EEF1AKMT1: variants seen among roughly 807,000 people sequenced by gnomAD.
EEF1AKMT1 encodes N-6 adenine-specific DNA methyltransferase 2 (putative).
Under a neutral mutation model 21.0 loss-of-function variants are expected in EEF1AKMT1, and 18 were observed. The ratio of observed to expected loss-of-function variants is 0.86; its 90% CI spans 0.59 to 1.27. The LOEUF is 1.27. EEF1AKMT1 is among the 50% of genes most tolerant of loss of function. The pLI is 0.00. For synonymous variants in EEF1AKMT1, 109 were observed against 94.8 expected (o/e 1.15, Z -0.87); for missense variants, 246 against 258.6 (o/e 0.95, Z 0.33).
chr13:20,752,306 G>A (rs1274515459), intron 2 of EEF1AKMT1, among the ~76,000 whole-genome samples: 1 of 152,028 alleles, frequency 6.6e-6, no homozygotes, highest in African/African-American at 2.4e-5. Context: ...CCTTTATTAT[G>A]ATGAGGTATG....
At chr13:20,753,123 T>C (rs1317351001) in intron 2 of EEF1AKMT1, among the ~76,000 whole-genome samples, 1 of 152,162 alleles carries the variant, frequency 6.6e-6, no homozygotes, top group East Asian at 1.9e-4. Flanking sequence ...TCCATAGATT[T>C]CGGTATGTTG....
At chr13:20,736,981 G>A (rs1258172795) in intron 3 of EEF1AKMT1, among the ~76,000 whole-genome samples, 3 of 151,142 alleles carry the variant, frequency 2.0e-5, no homozygotes, top group Non-Finnish European at 4.4e-5. Flanking sequence ...TGATCCGCCC[G>A]CCTTGGCCTC....
intron 2 of EEF1AKMT1, chr13:20,748,047 TG>T: frequency 4.9e-6 from 1 of 203,522 alleles, no homozygotes; most frequent in Non-Finnish European, 1.0e-5. Context: ...GGACTCTCCT[TG>T]GGCAGTCATC....
At chr13:20,764,068 T>C (rs868722270) in intron 1 of EEF1AKMT1, among the ~76,000 whole-genome samples, 4 of 149,714 alleles carry the variant, frequency 2.7e-5, no homozygotes, top group African/African-American at 1.0e-4. Context: ...TTTTGCATCA[T>C]TGACTTTATT....
chr13:20,738,833 T>TA (rs1185718085), intron 2 of EEF1AKMT1, among the ~76,000 whole-genome samples: 1 of 152,124 alleles, frequency 6.6e-6, no homozygotes, highest in Non-Finnish European at 1.5e-5. Flanking sequence ...GATTGAGGGA[T>TA]TAGGAGGTGA....
intron 2 of EEF1AKMT1, 122 bp downstream of exon 2, chr13:20,757,333 C>T (rs775215265): frequency 5.5e-5 from 65 of 1,176,902 alleles, no homozygotes; most frequent in Non-Finnish European, 6.9e-5. Context: ...TAGAGAAGTT[C>T]AGATCCCAAA....
intron 2 of EEF1AKMT1, among the ~76,000 whole-genome samples, chr13:20,738,793 A>C (rs554157701): frequency 5.3e-5 from 8 of 152,326 alleles, no homozygotes; most frequent in African/African-American, 1.7e-4. Context: ...CTACAAAGAC[A>C]GTAGATTAGT....
chr13:20,738,889 T>C (rs1178891972), intron 2 of EEF1AKMT1, among the ~76,000 whole-genome samples: 1 of 150,248 alleles, frequency 6.7e-6, no homozygotes, highest in African/African-American at 2.5e-5. Flanking sequence ...GAAAATGTTC[T>C]AAAATTGACT....
Position 20,729,099 on chromosome 13 carries a change from C to T in EEF1AKMT1, c.626G>A (p.Gly209Glu). The T allele has an allele frequency of 6.2e-7, 1 of 1,614,178 alleles. No homozygotes were observed. The highest frequency in any genetic ancestry group is 8.5e-7 in the Non-Finnish European group (1 of 1,180,034). Residue 209 changes from glycine (G) to glutamate (E), a missense_variant, in exon 5 of 5, where the codon GGG becomes GAG. Transcript: ENST00000382758. The stretch of plus-strand genomic sequence containing the variant: ...CTGTAATCAGATCCCACAGTCCAGC[C>T]CAGAATCATAATTCACATAACAGCG... Reference protein sequence around the residue: ...EFRCYVNYDSGLDCGI With the variant: ...EFRCYVNYDSELDCGI
chr13:20,765,944 T>C (rs561062844), intron 1 of EEF1AKMT1, among the ~76,000 whole-genome samples: 162 of 152,162 alleles, frequency 1.1e-3, no homozygotes, highest in Non-Finnish European at 1.7e-3. Context: ...ACCTACCAGA[T>C]TGACCGCAAT....
At chr13:20,733,224 T>C (rs1179168680) in intron 3 of EEF1AKMT1, among the ~76,000 whole-genome samples, 9 of 151,592 alleles carry the variant, frequency 5.9e-5, no homozygotes, top group Admixed American at 5.9e-4. Context: ...GCCTCCTGAG[T>C]AGCTGGGATT....
chr13:20,740,515 C>G (rs912617527), intron 2 of EEF1AKMT1, among the ~76,000 whole-genome samples: 3 of 152,192 alleles, frequency 2.0e-5, no homozygotes, highest in African/African-American at 7.2e-5. Context: ...TACTAAAAAC[C>G]ACTGACTTGC....
At chr13:20,765,044 G>A (rs559526585) in intron 1 of EEF1AKMT1, among the ~76,000 whole-genome samples, 16 of 151,940 alleles carry the variant, frequency 1.1e-4, no homozygotes, top group African/African-American at 3.6e-4. Context: ...GGTGGATCAC[G>A]AGGTCAGGAG....
At chr13:20,729,948 C>A (rs1197851376) in intron 4 of EEF1AKMT1, among the ~76,000 whole-genome samples, 1 of 152,198 alleles carries the variant, frequency 6.6e-6, no homozygotes, top group Non-Finnish European at 1.5e-5. Context: ...AAGTTGCGTC[C>A]CGTCGCCTTG....
At chr13:20,740,540 C>T (rs1469581930) in intron 2 of EEF1AKMT1, among the ~76,000 whole-genome samples, 4 of 152,244 alleles carry the variant, frequency 2.6e-5, no homozygotes, top group African/African-American at 9.6e-5. Flanking sequence ...TGTGGTGGCT[C>T]ACGCCTGTAA....
At chr13:20,773,466 C>T (rs901608731) in intron 1 of EEF1AKMT1, among the ~76,000 whole-genome samples, 8 of 152,228 alleles carry the variant, frequency 5.3e-5, no homozygotes, top group Non-Finnish European at 1.0e-4. Flanking sequence ...CGCGGGTGCC[C>T]GCCCTCCAGG....
rs112098950 is a variant in EEF1AKMT1, at chr13:20,743,095, C to G, written c.145-5290G>C. ...TTATTTACTTTTATTGAGACAGAGT[C>G]TCACTCTGTTGCCCAGCCTGGAGTG... On this transcript the variant is annotated intron_variant, in intron 2 of 4. Coordinates refer to ENST00000382758, the MANE Select transcript of EEF1AKMT1 (RefSeq NM_001318939.2). Among the ~76,000 whole-genome samples the G allele has an allele frequency of 6.5e-3, 990 of 152,198 alleles. 14 individuals carry two copies. Among genetic ancestry groups the G allele is most frequent in the African/African-American group, 0.022 (915 of 41,520 alleles).
intron 1 of EEF1AKMT1, among the ~76,000 whole-genome samples, chr13:20,770,717 G>A (rs559633190): frequency 3.3e-5 from 5 of 152,042 alleles, no homozygotes; most frequent in African/African-American, 4.8e-5. Flanking sequence ...ATATTGCCTG[G>A]CAAAATCGAA....
At chr13:20,754,003 C>T (rs2058957575) in intron 2 of EEF1AKMT1, among the ~76,000 whole-genome samples, 1 of 151,804 alleles carries the variant, frequency 6.6e-6, no homozygotes, top group Non-Finnish European at 1.5e-5. Context: ...ATCCTTTGTT[C>T]CTTTCTTTCT....
Sources: allele counts gnomAD v4.1 joint callset (sites outside exome capture counted in the v4.1 genomes callset), GRCh38; gene constraint gnomAD v4.1.1; transcripts MANE v1.5; gene names NCBI Gene and HGNC (gene_info 2026-07-23, HGNC 2026-07-21).